The following SORCS3 variants were observed in gnomAD, a reference collection of about 807,000 sequenced individuals.
SORCS3 encodes sortilin related VPS10 domain containing receptor 3.
SORCS3 carries 57 observed loss-of-function variants against 146.3 expected under a neutral mutation model. The ratio of observed to expected loss-of-function variants is 0.39; its 90% CI spans 0.31 to 0.49. SORCS3 has a LOEUF of 0.49. SORCS3 is among the 20% of genes least tolerant of loss of function. The pLI is 0.92. For synonymous variants in SORCS3, 653 were observed against 618.5 expected, an observed-to-expected ratio of 1.06 and a Z score of -0.83; for missense variants, 1,341 against 1,575.5, an observed-to-expected ratio of 0.85 and a Z score of 2.52.
intron 7 of SORCS3, among the ~76,000 whole-genome samples, chr10:105,115,432 G>A (rs963761363): frequency 7.2e-5 from 11 of 152,140 alleles, no homozygotes; most frequent in Middle Eastern, 6.8e-3. Context: ...TTTATAAGCC[G>A]ATCACATAAA....
intron 1 of SORCS3, among the ~76,000 whole-genome samples, chr10:104,829,778 C>T (rs1027607230): frequency 6.6e-6 from 1 of 152,166 alleles, no homozygotes; most frequent in Non-Finnish European, 1.5e-5. Context: ...TGGTCACCCT[C>T]TTCCTTGAAA....
At chr10:104,848,549 AT>A (rs2018233859) in intron 2 of SORCS3, among the ~76,000 whole-genome samples, 1 of 152,172 alleles carries the variant, frequency 6.6e-6, no homozygotes, top group African/African-American at 2.4e-5. Context: ...AAAACTGCAG[AT>A]TGGAATGACA....
chr10:105,250,102 CA>C (rs1190635542), intron 22 of SORCS3, among the ~76,000 whole-genome samples: 6 of 152,238 alleles, frequency 3.9e-5, no homozygotes, highest in African/African-American at 7.2e-5. Context: ...TATTCATAGG[CA>C]GAACCTTCTT....
intron 1 of SORCS3, among the ~76,000 whole-genome samples, chr10:104,670,592 T>A (rs918630266): frequency 2.6e-5 from 4 of 152,210 alleles, no homozygotes; most frequent in Non-Finnish European, 5.9e-5. Flanking sequence ...AGCTTTGTAG[T>A]AAGATTTTAT....
At chr10:105,018,703 G>A (rs1428519610) in intron 4 of SORCS3, among the ~76,000 whole-genome samples, 1 of 152,100 alleles carries the variant, frequency 6.6e-6, no homozygotes, top group Non-Finnish European at 1.5e-5. Context: ...GAATTGAATT[G>A]TCTCCCTCAG....
rs183199711 is a variant in SORCS3 at position 104,892,874 on chromosome 10, C to G, written c.696-22959C>G. 3.9e-4 allele frequency among the ~76,000 whole-genome samples: 59 copies of G among 152,170 alleles called. 1 individual carries two copies. The highest frequency in any genetic ancestry group is 6.8e-4 in the Non-Finnish European group (46 of 68,032). ...ATTGCGTGCCTCTCTCTCTTGCTCA[C>G]TGTATTTCAGCCTTACTGCCTTTCT... On this transcript the variant is annotated intron_variant, in intron 2 of 26. Transcript: ENST00000369701.
intron 3 of SORCS3, among the ~76,000 whole-genome samples, chr10:104,937,041 A>C (rs763978754): frequency 6.6e-6 from 1 of 152,190 alleles, no homozygotes; most frequent in Non-Finnish European, 1.5e-5. Flanking sequence ...ATGGGGGCAC[A>C]GGGGGTGATT....
At chr10:105,070,535 GATC>G (rs1422313281) in intron 5 of SORCS3, among the ~76,000 whole-genome samples, 6 of 152,240 alleles carry the variant, frequency 3.9e-5, no homozygotes, top group Admixed American at 2.0e-4. Context: ...CCCAGCCTGT[GATC>G]AAGGAACCTC....
chr10:105,251,334 T>A (rs1347827777), intron 22 of SORCS3, among the ~76,000 whole-genome samples: 1 of 152,098 alleles, frequency 6.6e-6, no homozygotes, highest in Non-Finnish European at 1.5e-5. Flanking sequence ...ACCCCCAGGA[T>A]TCGATCACCT....
At chr10:105,177,326 T>G (rs142210245) in intron 13 of SORCS3, among the ~76,000 whole-genome samples, 13 of 152,314 alleles carry the variant, frequency 8.5e-5, no homozygotes, top group African/African-American at 3.1e-4. Context: ...TGAGAAAAGC[T>G]TCTCAGAGGA....
intron 2 of SORCS3, among the ~76,000 whole-genome samples, chr10:104,903,473 G>A (rs970700716): frequency 9.2e-5 from 14 of 152,222 alleles, no homozygotes; most frequent in Admixed American, 9.2e-4. Flanking sequence ...AGAAGAGCAC[G>A]GTAGATGAGA....
At chr10:105,121,165 G>A (rs886300227) in intron 7 of SORCS3, among the ~76,000 whole-genome samples, 3 of 152,142 alleles carry the variant, frequency 2.0e-5, no homozygotes, top group Non-Finnish European at 4.4e-5. Context: ...TGGTTATTTG[G>A]AGTGTTCTTT....
intron 3 of SORCS3, among the ~76,000 whole-genome samples, chr10:104,932,638 CT>C (rs2019218915): frequency 6.6e-6 from 1 of 152,188 alleles, no homozygotes; most frequent in Admixed American, 6.5e-5. Context: ...TCAGCCTTTT[CT>C]TTGTCCTGCT....
chr10:105,263,204 T>G, intron 26 of SORCS3, 106 bp from the exon 27 acceptor site: 1 of 1,001,310 alleles, frequency 1.0e-6, no homozygotes, highest in Non-Finnish European at 1.5e-6. Context: ...AAATTCCTAT[T>G]AAGCACCTGT....
chr10:105,241,944 G>T (rs2056825943), intron 20 of SORCS3, among the ~76,000 whole-genome samples: 1 of 152,096 alleles, frequency 6.6e-6, no homozygotes, highest in Non-Finnish European at 1.5e-5. Flanking sequence ...ATCAATCAGA[G>T]AAAGCGCACC....
chr10:104,894,965 A>G (rs2018784682), intron 2 of SORCS3, among the ~76,000 whole-genome samples: 1 of 152,192 alleles, frequency 6.6e-6, no homozygotes, highest in Non-Finnish European at 1.5e-5. Flanking sequence ...GAGTCATCCA[A>G]ATAGAAGTGG....
intron 5 of SORCS3, among the ~76,000 whole-genome samples, chr10:105,065,773 T>C (rs1168444034): frequency 6.6e-6 from 1 of 152,094 alleles, no homozygotes; most frequent in African/African-American, 2.4e-5. Context: ...ACTTGGAGCA[T>C]TTGTAAAAGA....
At chr10:104,830,324 A>G (rs148599701) in intron 1 of SORCS3, among the ~76,000 whole-genome samples, 86 of 152,314 alleles carry the variant, frequency 5.6e-4, no homozygotes, top group Non-Finnish European at 9.8e-4. Flanking sequence ...GAAGAGCAAG[A>G]AAGAGGAAAG....
intron 4 of SORCS3, among the ~76,000 whole-genome samples, chr10:104,992,449 A>G (rs758158944): frequency 2.0e-5 from 3 of 152,188 alleles, no homozygotes; most frequent in Admixed American, 6.5e-5. Flanking sequence ...CTCCCTTTGT[A>G]TTTGAAAATG....
Sources: gnomAD v4.1 joint callset for allele counts (sites outside exome capture counted in the v4.1 genomes callset) on GRCh38, gnomAD v4.1.1 for gene constraint, MANE v1.5 for transcripts, NCBI Gene and HGNC (gene_info 2026-07-23, HGNC 2026-07-21) for gene names.